The following TTC28 variants were observed in gnomAD, a reference collection of about 807,000 sequenced individuals.
TTC28 encodes tetratricopeptide repeat domain 28.
Under a neutral mutation model 198.0 loss-of-function variants are expected in TTC28, and 61 were observed. That is an observed-to-expected ratio of 0.31 (90% CI 0.25 to 0.38). The LOEUF (loss-of-function observed/expected upper bound fraction) is 0.38, where lower values mean the gene tolerates loss of function less well. Among genes scored for constraint, TTC28 ranks in the 10% least tolerant of loss-of-function variants. TTC28 has a pLI of 1.00. For missense variants in TTC28, 2,678 were observed against 3,164.0 expected, an observed-to-expected ratio of 0.85 and a Z score of 3.69; for synonymous variants, 1,171 against 1,297.8, an observed-to-expected ratio of 0.90 and a Z score of 2.10.
intron 6 of TTC28, among the ~76,000 whole-genome samples, chr22:28,154,372 G>C (rs1195446385): frequency 7.8e-6 from 1 of 128,748 alleles, no homozygotes; most frequent in South Asian, 2.4e-4. Context: ...TTTTTTTTGA[G>C]ACAGAGTCTC....
chr22:28,305,388 A>G (rs1011485755), intron 3 of TTC28, among the ~76,000 whole-genome samples: 13 of 152,146 alleles, frequency 8.5e-5, no homozygotes, highest in Non-Finnish European at 1.9e-4. Context: ...CTTTCTTCCT[A>G]AAATATGAAA....
chr22:28,672,984 G>A (rs2051913884), intron 1 of TTC28, among the ~76,000 whole-genome samples: 1 of 152,182 alleles, frequency 6.6e-6, no homozygotes, highest in Non-Finnish European at 1.5e-5. Flanking sequence ...TTGTAATGAG[G>A]ATGTGGTTTT....
intron 12 of TTC28, among the ~76,000 whole-genome samples, chr22:28,078,460 C>T (rs1031078949): frequency 8.5e-5 from 13 of 152,078 alleles, no homozygotes; most frequent in African/African-American, 2.9e-4. Context: ...AGCATCTACC[C>T]TCTAGGGCAT....
chr22:27,996,103 C>T (rs1937546542), intron 17 of TTC28, 32 bp downstream of exon 17: 1 of 1,536,068 alleles, frequency 6.5e-7, no homozygotes, highest in Non-Finnish European at 8.8e-7. Context: ...ACTGCCAGCT[C>T]TCGTTGAGTG....
chr22:28,203,008 T>C (rs776897250), intron 5 of TTC28, among the ~76,000 whole-genome samples: 3 of 152,210 alleles, frequency 2.0e-5, no homozygotes, highest in Non-Finnish European at 4.4e-5. Flanking sequence ...GACACGATTA[T>C]TGTATAGTAT....
intron 14 of TTC28, among the ~76,000 whole-genome samples, chr22:28,011,290 G>A (rs903313328): frequency 6.6e-6 from 1 of 152,118 alleles, no homozygotes; most frequent in Non-Finnish European, 1.5e-5. Flanking sequence ...TCATAACTTC[G>A]GGGAATTAAA....
intron 3 of TTC28, among the ~76,000 whole-genome samples, chr22:28,306,109 G>A (rs1458455881): frequency 6.6e-6 from 1 of 152,020 alleles, no homozygotes; most frequent in Non-Finnish European, 1.5e-5. Context: ...GCATATATTG[G>A]TCCATCTGAG....
At chr22:28,103,120 TGAA>T (rs1942202045) in intron 8 of TTC28, among the ~76,000 whole-genome samples, 1 of 152,166 alleles carries the variant, frequency 6.6e-6, no homozygotes. Context: ...GGTTCAACAA[TGAA>T]GAGTTAAAAG....
chr22:28,251,313 C>T (rs1016564688), intron 5 of TTC28, among the ~76,000 whole-genome samples: 2 of 152,194 alleles, frequency 1.3e-5, no homozygotes, highest in Admixed American at 6.5e-5. Flanking sequence ...ATACTCACCC[C>T]TATTTTTGTA....
intron 2 of TTC28, among the ~76,000 whole-genome samples, chr22:28,530,729 G>A (rs927811139): frequency 1.6e-4 from 25 of 152,216 alleles, no homozygotes; most frequent in Non-Finnish European, 2.8e-4. Flanking sequence ...AACTCTACAA[G>A]CCAGAAGAGA....
Position 28,649,387 on chromosome 22 carries a change from A to G in TTC28, c.103-19557T>C, listed in dbSNP as rs1472999404. ...CTATTGAAATAAAATATATATAAAT[A>G]AAATTTTTTAAATAAATTAAAAATA... On this transcript the variant is annotated intron_variant, in intron 1 of 22. Transcript: ENST00000397906. 5.3e-5 allele frequency among the ~76,000 whole-genome samples: 8 copies of G among 152,130 alleles called. No individual in the cohort carries two copies. The South Asian group carries it at 1.7e-3, about 32-fold the overall frequency.
intron 2 of TTC28, among the ~76,000 whole-genome samples, chr22:28,627,589 G>A (rs569471480): frequency 7.3e-5 from 11 of 151,582 alleles, no homozygotes; most frequent in African/African-American, 1.9e-4. Flanking sequence ...CTGCCACCAC[G>A]CCCAGCTAAT....
intron 8 of TTC28, among the ~76,000 whole-genome samples, chr22:28,102,828 G>A (rs1312041242): frequency 6.6e-6 from 1 of 152,154 alleles, no homozygotes; most frequent in African/African-American, 2.4e-5. Flanking sequence ...TTATTGGATA[G>A]CAAAAATATT....
intron 5 of TTC28, among the ~76,000 whole-genome samples, chr22:28,278,730 T>G (rs2044519687): frequency 6.6e-6 from 1 of 152,200 alleles, no homozygotes. Context: ...CCACTATTGC[T>G]AAAGCAAAGA....
chr22:28,358,813 C>G (rs1263347785), intron 2 of TTC28, among the ~76,000 whole-genome samples: 1 of 152,132 alleles, frequency 6.6e-6, no homozygotes, highest in African/African-American at 2.4e-5. Context: ...GAATGAGGAC[C>G]ACTATGATTC....
intron 1 of TTC28, among the ~76,000 whole-genome samples, chr22:28,640,317 G>A (rs865989010): frequency 4.1e-5 from 6 of 144,824 alleles, no homozygotes; most frequent in African/African-American, 1.0e-4. Flanking sequence ...AGTAAAGGGG[G>A]GGGGGGGAAA....
At chr22:28,541,926 A>T (rs2049421137) in intron 2 of TTC28, among the ~76,000 whole-genome samples, 1 of 151,980 alleles carries the variant, frequency 6.6e-6, no homozygotes, top group Non-Finnish European at 1.5e-5. Context: ...TTAAAAAAAA[A>T]GGTCTTTCAA....
At chr22:28,382,595 T>A (rs2046512844) in intron 2 of TTC28, among the ~76,000 whole-genome samples, 1 of 152,168 alleles carries the variant, frequency 6.6e-6, no homozygotes, top group Non-Finnish European at 1.5e-5. Flanking sequence ...GCAACAACAT[T>A]AGATCAAATC....
At chr22:28,041,583 C>G (rs1939642356) in intron 12 of TTC28, among the ~76,000 whole-genome samples, 1 of 152,168 alleles carries the variant, frequency 6.6e-6, no homozygotes, top group Non-Finnish European at 1.5e-5. Flanking sequence ...AAAATTAACT[C>G]CAGATGGATT....
Sources: allele counts gnomAD v4.1 joint callset (sites outside exome capture counted in the v4.1 genomes callset), GRCh38; gene constraint gnomAD v4.1.1; transcripts MANE v1.5; gene names NCBI Gene and HGNC (gene_info 2026-07-23, HGNC 2026-07-21).